Variants in PLXNA1 observed in about 807,000 individuals in gnomAD.
PLXNA1 encodes plexin A1.
In PLXNA1, 77 loss-of-function variants were observed where a neutral mutation model predicts 191.7. The ratio of observed to expected loss-of-function variants is 0.40; its 90% CI spans 0.33 to 0.49. PLXNA1 has a LOEUF of 0.49. Ranked by LOEUF, PLXNA1 falls within the 20% of genes least tolerant of loss-of-function variation. PLXNA1 has a pLI of 0.63. For synonymous variants in PLXNA1, 1,137 were observed against 1,156.4 expected (o/e 0.98, Z 0.34); for missense variants, 2,110 against 2,660.2 (o/e 0.79, Z 4.55).
At position 126,983,220 on chromosome 3, in the gene PLXNA1, A is replaced by C; in HGVS notation, c.-141A>C. 7.5e-6 allele frequency among the ~76,000 whole-genome samples: 1 copy of C among 134,080 alleles called. No homozygotes were observed. The highest frequency in any genetic ancestry group is 2.4e-4 in the South Asian group (1 of 4,102). 88.0% of individuals were successfully genotyped at this position (134,080 alleles called of 152,430 possible). On this transcript the variant is annotated 5_prime_UTR_variant, in exon 1 of 32. Coordinates refer to ENST00000393409, the MANE Select transcript of PLXNA1 (RefSeq NM_032242.4). ...CTTCGGCGGCCCCGCGGCGGGGCGG[A>C]CGGCGGCGGCGGCGCGGGCGGCTGG...
chr3:127,026,064 T>C (rs922766289), intron 23 of PLXNA1, among the ~76,000 whole-genome samples: 13 of 152,224 alleles, frequency 8.5e-5, no homozygotes, highest in Non-Finnish European at 1.6e-4. Flanking sequence ...GTGGCACTTT[T>C]TGTTGGGCAG....
intron 20 of PLXNA1, among the ~76,000 whole-genome samples, chr3:127,018,983 C>T (rs1429753363): frequency 2.6e-5 from 4 of 152,202 alleles, no homozygotes; most frequent in African/African-American, 9.7e-5. Context: ...TTGGCAGTCC[C>T]TGGGCACATA....
In PLXNA1 at chr3:126,991,370, G is replaced by T; in HGVS notation, c.1195-14G>T. On this transcript the variant is annotated splice_polypyrimidine_tract_variant and intron_variant, in intron 2 of 31. Coordinates refer to ENST00000393409, the MANE Select transcript of PLXNA1 (RefSeq NM_032242.4). ...GTGCCCGGGGAGTGGCTCTCACCCT[G>T]CCCCTTCCCACAGCCCCTGCAGATC... is the stretch of plus-strand genomic sequence containing the variant. 4 of 1,611,898 alleles carry T rather than the reference G, an allele frequency of 2.5e-6. No individual in the cohort carries two copies. The highest frequency in any genetic ancestry group is 2.5e-6 in the Non-Finnish European group (3 of 1,179,502).
intron 4 of PLXNA1, 29 bp from the exon 5 acceptor site, chr3:127,004,582 G>A (rs1285741211): frequency 6.6e-6 from 10 of 1,512,004 alleles, no homozygotes; most frequent in Non-Finnish European, 9.0e-6. Context: ...GGGTGGTACT[G>A]GAGGGGCCTG....
chr3:127,018,250 T>TG, intron 19 of PLXNA1, 44 bp from the exon 20 acceptor site: 1 of 1,504,908 alleles, frequency 6.6e-7, no homozygotes, highest in Non-Finnish European at 9.0e-7. Flanking sequence ...CCAAGCTTTG[T>TG]GGAAAGCATG....
rs75595615 is a variant in PLXNA1, at chr3:127,012,882, C to T, written c.2313+724C>T. ...CCTCTGTCTCCCCTTCTGCTCAGGA[C>T]GGGTGTGATCCAGGGAGCAGTGGGC... On this transcript the variant is annotated intron_variant, in intron 10 of 31. Transcript: ENST00000393409. Among the ~76,000 whole-genome samples, 473 of 152,306 alleles carry T rather than the reference C, an allele frequency of 3.1e-3. 3 individuals carry two copies. Among genetic ancestry groups the T allele is most frequent in the Non-Finnish European group, 5.4e-3 (369 of 68,026 alleles).
chr3:127,000,932 G>A (rs924074908), intron 3 of PLXNA1, among the ~76,000 whole-genome samples: 10 of 152,194 alleles, frequency 6.6e-5, no homozygotes, highest in Non-Finnish European at 1.2e-4. Flanking sequence ...CCTCTCCTGG[G>A]GCTCTGTCTC....
chr3:127,033,325 C>T (rs1430109272), intron 31 of PLXNA1, among the ~76,000 whole-genome samples: 2 of 152,142 alleles, frequency 1.3e-5, no homozygotes, highest in Admixed American at 6.5e-5. Flanking sequence ...GATGGGAGCA[C>T]GGGGCCAGAG....
At chr3:127,027,770 A>T (rs1410184760) in intron 23 of PLXNA1, 170 bp from the exon 24 acceptor site, 19 of 835,710 alleles carry the variant, frequency 2.3e-5, no homozygotes, top group Non-Finnish European at 3.4e-5. Context: ...ATTTTCTTGC[A>T]GTCTCTGCTG....
chr3:126,983,778 G>A (rs2078943725), intron 1 of PLXNA1, among the ~76,000 whole-genome samples: 1 of 151,974 alleles, frequency 6.6e-6, no homozygotes, highest in African/African-American at 2.4e-5. Flanking sequence ...CAGACCTCTG[G>A]CCGCGGGCGA....
rs371091022 is a variant in PLXNA1 at position 127,017,752 on chromosome 3, C to A, written c.3520C>A (p.Arg1174=). Residue 1174 remains arginine (R), a synonymous_variant, in exon 19 of 32, where the codon CGG becomes AGG. Coordinates refer to ENST00000393409, the MANE Select transcript of PLXNA1 (RefSeq NM_032242.4). The stretch of plus-strand genomic sequence containing the variant: ...GGCTCACCCCCATCTCCTACAGGGC[C>A]GGAACCTCTTGCCACCTGCACCCGG... ...KPSSPLILKG[R]NLLPPAPGNS... 1 of 1,613,164 alleles carries A rather than the reference C, an allele frequency of 6.2e-7. No homozygotes were observed.
chr3:127,032,099 G>T (rs2079214475), intron 29 of PLXNA1: 1 of 413,932 alleles, frequency 2.4e-6, no homozygotes, highest in Non-Finnish European at 4.5e-6. Context: ...TGTGGAGTGG[G>T]CCCCTGAGGG....
chr3:126,995,244 C>A (rs2079009724), intron 3 of PLXNA1, among the ~76,000 whole-genome samples: 1 of 152,210 alleles, frequency 6.6e-6, no homozygotes, highest in African/African-American at 2.4e-5. Context: ...TGCACCCACA[C>A]AGGCAGCCTC....
At chr3:127,000,440 C>T (rs529488930) in intron 3 of PLXNA1, among the ~76,000 whole-genome samples, 27 of 152,204 alleles carry the variant, frequency 1.8e-4, no homozygotes, top group East Asian at 1.6e-3. Context: ...GGCTCCCGGC[C>T]GGCGTGTGCC....
At position 127,016,528 on chromosome 3, in the gene PLXNA1, G is replaced by A. The variant is rs762684975; in HGVS notation, c.3026G>A (p.Arg1009His). The A allele has an allele frequency of 1.7e-5, 27 of 1,613,518 alleles. No individual in the cohort carries two copies. The highest frequency in any genetic ancestry group is 4.0e-5 in the African/African-American group (3 of 74,898). ...TCGGGCACCTCCAGGAGGAACTCCC[G>A]TGAGATCCGGTGCCTGACACCCCCC... ...RPCSFSWRNS[R>H]EIRCLTPPGQ... The change falls in exon 16 of 32, where the codon CGT (arginine) becomes CAT (histidine). Residue 1009 changes from arginine (R) to histidine (H), a missense_variant. This residue lies in a region of PLXNA1 where 644 missense variants were observed against 714.3 expected (regional missense o/e 0.90). Coordinates refer to ENST00000393409, the MANE Select transcript of PLXNA1 (RefSeq NM_032242.4).
At position 127,034,168 on chromosome 3, in the gene PLXNA1, G is replaced by T. The variant is rs901883525; in HGVS notation, c.*151G>T. The T allele has an allele frequency of 2.4e-5, 16 of 654,656 alleles. No homozygotes were observed. In the Middle Eastern group the frequency reaches 1.3e-3, roughly 53 times the overall value. The allele number at this position is 654,656 out of a possible 1,614,324, so 40.6% of individuals were successfully genotyped here. On this transcript the variant is annotated 3_prime_UTR_variant, in exon 32 of 32. Coordinates refer to ENST00000393409, the MANE Select transcript of PLXNA1 (RefSeq NM_032242.4). The stretch of plus-strand genomic sequence containing the variant: ...GGCCCTCCCTCCCCTGCCTCACCCG[G>T]TCGGGTCCCGGCTCTTCCTGTGTGG...
intron 7 of PLXNA1, among the ~76,000 whole-genome samples, chr3:127,005,639 G>T (rs1458655978): frequency 6.6e-6 from 1 of 152,056 alleles, no homozygotes; most frequent in Admixed American, 6.5e-5. Flanking sequence ...GCAGGGCAGG[G>T]TAGGTGGGAT....
intron 3 of PLXNA1, among the ~76,000 whole-genome samples, chr3:126,993,478 G>A (rs547141832): frequency 2.5e-4 from 38 of 152,282 alleles, no homozygotes; most frequent in African/African-American, 8.2e-4. Flanking sequence ...TGGAGGCTGC[G>A]TCCTCATGGC....
chr3:127,033,363 G>C (rs2079222493), intron 31 of PLXNA1, among the ~76,000 whole-genome samples: 1 of 152,208 alleles, frequency 6.6e-6, no homozygotes. Context: ...CTGTGCCAAG[G>C]CTCTGAGGGC....
Sources: gnomAD v4.1 joint callset for allele counts (sites outside exome capture counted in the v4.1 genomes callset) on GRCh38, gnomAD v4.1.1 for gene constraint, gnomAD v4.1.1 regional missense constraint, MANE v1.5 for transcripts, NCBI Gene and HGNC (gene_info 2026-07-23, HGNC 2026-07-21) for gene names.